The following ALS2 variants were observed in gnomAD, a reference collection of about 807,000 sequenced individuals.
ALS2 encodes the protein alsin.
In ALS2, 117 loss-of-function variants were observed where a neutral mutation model predicts 203.4. The observed-to-expected ratio is 0.58, with a 90% confidence interval of 0.50 to 0.67. The LOEUF (loss-of-function observed/expected upper bound fraction) is 0.67, where lower values mean the gene tolerates loss of function less well. ALS2 is among the 30% of genes least tolerant of loss of function. The pLI, the probability that ALS2 is intolerant of heterozygous loss-of-function variation, is 0.00. For synonymous variants in ALS2, 718 were observed against 725.9 expected (o/e 0.99, Z 0.17); for missense variants, 1,715 against 1,989.4 (o/e 0.86, Z 2.62).
rs764783834 is a variant in ALS2 at position 201,760,984 on chromosome 2, G to T, written c.1010C>A (p.Pro337Gln). The T allele has an allele frequency of 1.9e-6, 3 of 1,613,990 alleles. No homozygotes were observed. In the South Asian group the frequency reaches 3.3e-5, roughly 18 times the overall value. The change falls in exon 4 of 34, where the codon CCA becomes CAA. Residue 337 changes from proline (P) to glutamine (Q), a missense_variant. Pro to Gln is a moderately conservative substitution (Grantham distance 76). Around this residue, in one of 3 missense-constraint regions of ALS2, gnomAD observed 476 missense variants for 539.3 expected, o/e 0.88. Coordinates refer to ENST00000264276, the MANE Select transcript of ALS2 (RefSeq NM_020919.4). Reference protein sequence around the residue: ...TTEISSARNIPSYPDTQAVNE... With the variant: ...TTEISSARNIQSYPDTQAVNE... ...GACTGCTTGGGTGTCAGGGTATGAT[G>T]GTATGTTTCTGGCAGAGGAAATTTC...
At chr2:201,718,840 C>A (rs1690576374) in intron 23 of ALS2, among the ~76,000 whole-genome samples, 1 of 152,090 alleles carries the variant, frequency 6.6e-6, no homozygotes, top group Admixed American at 6.6e-5. Context: ...TAGCTGTTAA[C>A]ACCTATCTTT....
At chr2:201,721,291 T>C (rs1312422048) in intron 23 of ALS2, among the ~76,000 whole-genome samples, 1 of 152,224 alleles carries the variant, frequency 6.6e-6, no homozygotes, top group Non-Finnish European at 1.5e-5. Flanking sequence ...GCAAGGTTTA[T>C]TGCAGAATCT....
At position 201,710,005 on chromosome 2, in the gene ALS2, G is replaced by A; in HGVS notation, c.4156C>T (p.Leu1386Phe). Residue 1386 changes from leucine to phenylalanine, a missense_variant, in exon 27 of 34, where the codon CTT (leucine) becomes TTT (phenylalanine). Leu to Phe is a conservative substitution (Grantham distance 22). This residue lies in a region of ALS2 where 1,227 missense variants were observed against 1,413.5 expected (regional missense o/e 0.87). Coordinates refer to ENST00000264276, the MANE Select transcript of ALS2 (RefSeq NM_020919.4). Reference protein sequence around the residue: ...CDTPLHPLGRLVETLVAVYRM... With the variant: ...CDTPLHPLGRFVETLVAVYRM... ...TACACTGCAACCAGTGTCTCCACAAGCCTGCCCAGGGGGTGCAGAGGAGTG... is the reference window on the plus strand; with the variant it reads ...TACACTGCAACCAGTGTCTCCACAAACCTGCCCAGGGGGTGCAGAGGAGTG... 1 of 1,613,882 alleles carries A rather than the reference G, an allele frequency of 6.2e-7. No homozygotes were observed. The highest frequency in any genetic ancestry group is 8.5e-7 in the Non-Finnish European group (1 of 1,179,846).
At chr2:201,709,112 A>G (rs915697319) in intron 27 of ALS2, among the ~76,000 whole-genome samples, 1 of 152,222 alleles carries the variant, frequency 6.6e-6, no homozygotes, top group Admixed American at 6.5e-5. Flanking sequence ...AAAAGATCTT[A>G]TATCTCACAA....
chr2:201,709,770 A>G (rs1689924921), intron 27 of ALS2, 111 bp downstream of exon 27: 2 of 1,328,408 alleles, frequency 1.5e-6, no homozygotes, highest in Middle Eastern at 3.6e-4. Flanking sequence ...TTAATCTATT[A>G]AAGGACTGTG....
At chr2:201,766,542 G>A (rs572029621) in intron 3 of ALS2, among the ~76,000 whole-genome samples, 17 of 151,756 alleles carry the variant, frequency 1.1e-4, no homozygotes, top group African/African-American at 3.6e-4. Context: ...CCAGCTACTC[G>A]GGAGGCTGAG....
At chr2:201,727,043 C>T (rs1201556288) in intron 17 of ALS2, among the ~76,000 whole-genome samples, 169 bp downstream of exon 17, 2 of 135,062 alleles carry the variant, frequency 1.5e-5, no homozygotes, top group African/African-American at 5.6e-5. Context: ...AATTAAGTCA[C>T]ATTAAAAAAA....
chr2:201,710,079 T>G, intron 26 of ALS2, 41 bp from the exon 27 acceptor site: 2 of 1,606,076 alleles, frequency 1.2e-6, no homozygotes, highest in Non-Finnish European at 1.7e-6. Flanking sequence ...TGATGTGCAT[T>G]AACAGCAGAA....
rs555220239 is a variant in ALS2, at chr2:201,704,474, T to C, written c.4818A>G (p.Leu1606=). Residue 1606 remains leucine (L), a synonymous_variant, in exon 32 of 34, where the codon TTA becomes TTG. Coordinates refer to ENST00000264276, the MANE Select transcript of ALS2 (RefSeq NM_020919.4). The part of the protein sequence containing the change: ...WSMDDLFPVF[L]YVVLRARIRN... The stretch of plus-strand genomic sequence containing the variant: ...GTTACCTGGCCCGTAGCACCACATA[T>C]AAGAAAACAGGAAACAAGTCATCCA... The C allele has an allele frequency of 5.1e-5, 83 of 1,614,036 alleles. 2 individuals are homozygous for C. In the South Asian group the frequency reaches 9.0e-4, roughly 18 times the overall value.
At chr2:201,727,656 T>C in intron 16 of ALS2, 49 bp downstream of exon 16, 1 of 1,254,900 alleles carries the variant, frequency 8.0e-7, no homozygotes, top group Non-Finnish European at 1.0e-6. Context: ...GGAAGCAACC[T>C]GGGTAACAGA....
chr2:201,724,279 A>G lies in ALS2; in HGVS notation c.3512+16T>C. 6.2e-7 allele frequency: 1 copy of G among 1,610,004 alleles called. No homozygotes were observed. On this transcript the variant is annotated intron_variant, in intron 21 of 33. Coordinates refer to ENST00000264276, the MANE Select transcript of ALS2 (RefSeq NM_020919.4). ...TCATTGGCTTAAACTGTGGGAATAG[A>G]AGGAGAATACTGTACCTAGTGATAT...
At chr2:201,717,749 C>T (rs1472622099) in intron 24 of ALS2, among the ~76,000 whole-genome samples, 8 of 151,802 alleles carry the variant, frequency 5.3e-5, no homozygotes, top group Admixed American at 5.3e-4. Context: ...CAAGACCAGC[C>T]TGAGCAATAG....
intron 12 of ALS2, among the ~76,000 whole-genome samples, chr2:201,737,169 A>G (rs1166577829): frequency 6.6e-6 from 1 of 152,192 alleles, no homozygotes; most frequent in Admixed American, 6.5e-5. Flanking sequence ...ACGATACCAT[A>G]TTACAACTAT....
chr2:201,754,985 T>C (rs1474778247), intron 5 of ALS2, among the ~76,000 whole-genome samples: 1 of 152,190 alleles, frequency 6.6e-6, no homozygotes, highest in East Asian at 1.9e-4. Context: ...TTCCAAACAT[T>C]TAGCCACAGA....
Position 201,738,867 on chromosome 2 carries a change from A to T in ALS2, c.2352-132T>A, listed in dbSNP as rs189982104. 25 of 777,036 alleles carry T rather than the reference A, an allele frequency of 3.2e-5. No individual in the cohort carries two copies. In the East Asian group the frequency reaches 6.9e-4, roughly 21 times the overall value. The allele number at this position is 777,036 out of a possible 1,614,324, so 48.1% of individuals were successfully genotyped here. On this transcript the variant is annotated intron_variant, in intron 11 of 33. Coordinates refer to ENST00000264276, the MANE Select transcript of ALS2 (RefSeq NM_020919.4). ...ATTTCAGAAGTTTTGTGATGTCAAC[A>T]TTTGTGAAGGGCAGGTTGTGTAATA...
In ALS2 at chr2:201,760,659, T is replaced by C. The variant is rs145990970; in HGVS notation, c.1113+222A>G. ...TCCTACTTATAAAACAAGCCCAACA[T>C]GACACCTTTCAATATCATAAAGGGC... On this transcript the variant is annotated intron_variant, in intron 4 of 33. Coordinates refer to ENST00000264276, the MANE Select transcript of ALS2 (RefSeq NM_020919.4). 105 of 1,347,884 alleles carry C rather than the reference T, an allele frequency of 7.8e-5. No homozygotes were observed. In the East Asian group the frequency reaches 2.7e-3, roughly 35 times the overall value. 83.5% of individuals were successfully genotyped at this position (1,347,884 alleles called of 1,614,324 possible).
chr2:201,747,460 C>G (rs998750923), intron 8 of ALS2, among the ~76,000 whole-genome samples: 49 of 121,638 alleles, frequency 4.0e-4, no homozygotes, highest in Admixed American at 9.7e-4. Flanking sequence ...AGCACTCGGT[C>G]GCTTTTTTTT....
At position 201,741,410 on chromosome 2, in the gene ALS2, G is replaced by C. The variant is rs555400992; in HGVS notation, c.2351+264C>G. On this transcript the variant is annotated intron_variant, in intron 11 of 33. Coordinates refer to ENST00000264276, the MANE Select transcript of ALS2 (RefSeq NM_020919.4). Reference sequence around the variant, plus strand: ...TTTCTAAAGAACCAGACTTATTATAGTACATTTAATGTAAATTATGCTATC... The same window carrying C: ...TTTCTAAAGAACCAGACTTATTATACTACATTTAATGTAAATTATGCTATC... 3 of 395,606 alleles carry C rather than the reference G, an allele frequency of 7.6e-6. No individual in the cohort carries two copies. The Admixed American group carries it at 1.2e-4, about 15-fold the overall frequency. The allele number at this position is 395,606 out of a possible 1,614,324, so 24.5% of individuals were successfully genotyped here. A position where few individuals can be genotyped will look rare whatever the true frequency, so the allele number is the denominator to read the frequency against.
intron 3 of ALS2, chr2:201,762,965 C>A: frequency 1.2e-5 from 2 of 160,094 alleles, no homozygotes; most frequent in South Asian, 3.4e-4. Context: ...TATCACTTCT[C>A]CCTGCCCATC....
Sources: gnomAD v4.1 joint callset for allele counts (sites outside exome capture counted in the v4.1 genomes callset) on GRCh38, gnomAD v4.1.1 for gene constraint, gnomAD v4.1.1 regional missense constraint, MANE v1.5 for transcripts, NCBI Gene and HGNC (gene_info 2026-07-23, HGNC 2026-07-21) for gene names.